ADAMTS3: variants seen among roughly 807,000 people sequenced by gnomAD.
The protein encoded by ADAMTS3 is ADAM metallopeptidase with thrombospondin type 1 motif 3, also known as A disintegrin and metalloproteinase with thrombospondin motifs 3.
In ADAMTS3, 73 loss-of-function variants were observed where a neutral mutation model predicts 129.0. That is an observed-to-expected ratio of 0.57 (90% CI 0.47 to 0.69). ADAMTS3 has a LOEUF of 0.69. Ranked by LOEUF, ADAMTS3 falls within the 30% of genes least tolerant of loss-of-function variation. ADAMTS3 has a pLI of 0.00. For synonymous variants in ADAMTS3, 477 were observed against 510.8 expected, an observed-to-expected ratio of 0.93 and a Z score of 0.89; for missense variants, 1,457 against 1,514.5, an observed-to-expected ratio of 0.96 and a Z score of 0.63.
At chr4:72,516,472 G>A (rs1017265355) in intron 3 of ADAMTS3, among the ~76,000 whole-genome samples, 11 of 152,104 alleles carry the variant, frequency 7.2e-5, no homozygotes, top group African/African-American at 2.7e-4. Flanking sequence ...CCATGAGCAT[G>A]GAATGTTCTT....
At chr4:72,532,565 A>G (rs1721072014) in intron 3 of ADAMTS3, among the ~76,000 whole-genome samples, 1 of 152,094 alleles carries the variant, frequency 6.6e-6, no homozygotes, top group Admixed American at 6.6e-5. Context: ...TAATTATAAT[A>G]CAGTCATGTG....
chr4:72,526,733 C>T (rs866360377), intron 3 of ADAMTS3, among the ~76,000 whole-genome samples: 11 of 99,068 alleles, frequency 1.1e-4, no homozygotes, highest in African/African-American at 4.4e-4. Flanking sequence ...TATATACATA[C>T]ATATATATAT....
At chr4:72,427,792 C>A (rs766017757) in intron 3 of ADAMTS3, among the ~76,000 whole-genome samples, 1 of 151,918 alleles carries the variant, frequency 6.6e-6, no homozygotes, top group South Asian at 2.1e-4. Flanking sequence ...TGCCTTTTAC[C>A]GCACAGTAAA....
At chr4:72,437,999 T>C (rs1718000216) in intron 3 of ADAMTS3, among the ~76,000 whole-genome samples, 1 of 151,722 alleles carries the variant, frequency 6.6e-6, no homozygotes, top group South Asian at 2.1e-4. Context: ...CCCATAAATG[T>C]TTTTTGTTGT....
rs187218008 is a variant in ADAMTS3 at position 72,477,104 on chromosome 4, C to T, written c.505-62133G>A. Among the ~76,000 whole-genome samples, 334 of 152,184 alleles carry T rather than the reference C, an allele frequency of 2.2e-3. 4 individuals are homozygous for T. The highest frequency in any genetic ancestry group is 3.1e-3 in the Non-Finnish European group (214 of 67,990). ...TAAGTGGTAAAAGACTCAAGACTTT[C>T]ACCCTGAAATTGGGAGCAAAGCAGA... On this transcript the variant is annotated intron_variant, in intron 3 of 21. Coordinates refer to ENST00000286657, the MANE Select transcript of ADAMTS3 (RefSeq NM_014243.3).
intron 5 of ADAMTS3, among the ~76,000 whole-genome samples, chr4:72,337,176 T>G (rs1720012663): frequency 6.6e-6 from 1 of 152,160 alleles, no homozygotes; most frequent in African/African-American, 2.4e-5. Flanking sequence ...ACTAATATAT[T>G]AAGTATTAAA....
chr4:72,339,388 T>G, intron 5 of ADAMTS3, 106 bp downstream of exon 5: 1 of 968,938 alleles, frequency 1.0e-6, no homozygotes, highest in Non-Finnish European at 1.6e-6. Context: ...CATGCACATA[T>G]TTTGGCACAG....
intron 3 of ADAMTS3, among the ~76,000 whole-genome samples, chr4:72,484,716 T>A (rs775167574): frequency 1.3e-5 from 2 of 152,096 alleles, no homozygotes; most frequent in African/African-American, 2.4e-5. Context: ...ATGGCGGAAG[T>A]GTGCAGAGTG....
intron 21 of ADAMTS3, among the ~76,000 whole-genome samples, chr4:72,287,988 C>T (rs566675177): frequency 6.6e-6 from 1 of 152,298 alleles, no homozygotes; most frequent in East Asian, 1.9e-4. Flanking sequence ...GCCTCTGCCT[C>T]CCAAGTAGCT....
At chr4:72,309,613 C>T in intron 14 of ADAMTS3, 93 bp from the exon 15 acceptor site, 3 of 1,414,946 alleles carry the variant, frequency 2.1e-6, no homozygotes, top group Non-Finnish European at 2.9e-6. Context: ...TCAGTCATGG[C>T]CCACAGTCAG....
intron 3 of ADAMTS3, among the ~76,000 whole-genome samples, chr4:72,518,739 A>G (rs377028130): frequency 6.0e-5 from 9 of 151,206 alleles, no homozygotes; most frequent in South Asian, 2.1e-4. Flanking sequence ...GTCTCTGCAC[A>G]TGAGATGGGT....
intron 3 of ADAMTS3, among the ~76,000 whole-genome samples, chr4:72,515,709 T>G (rs1189275533): frequency 6.6e-6 from 1 of 152,016 alleles, no homozygotes; most frequent in African/African-American, 2.4e-5. Context: ...TAAATTTGTT[T>G]GAGTTCATTG....
chr4:72,322,959 T>C (rs1719596629), intron 6 of ADAMTS3, 55 bp downstream of exon 6: 2 of 1,363,716 alleles, frequency 1.5e-6, no homozygotes, highest in African/African-American at 2.9e-5. Flanking sequence ...AATTTAGTCT[T>C]CTATTTGCTA....
At chr4:72,564,331 C>T (rs1721973736) in intron 2 of ADAMTS3, among the ~76,000 whole-genome samples, 1 of 152,170 alleles carries the variant, frequency 6.6e-6, no homozygotes, top group Non-Finnish European at 1.5e-5. Flanking sequence ...CCACATGTGT[C>T]ATTGAGCAAG....
intron 4 of ADAMTS3, among the ~76,000 whole-genome samples, chr4:72,393,061 G>T (rs1225404293): frequency 6.6e-6 from 1 of 151,966 alleles, no homozygotes; most frequent in African/African-American, 2.4e-5. Flanking sequence ...GAGTAGCTGG[G>T]ATTACAGGCA....
At chr4:72,322,983 T>C in intron 6 of ADAMTS3, 31 bp downstream of exon 6, 4 of 1,542,162 alleles carry the variant, frequency 2.6e-6, no homozygotes, top group Non-Finnish European at 3.6e-6. Flanking sequence ...CAGTCCCTAA[T>C]GTTTATAATT....
chr4:72,486,678 C>A (rs1196977116), intron 3 of ADAMTS3, among the ~76,000 whole-genome samples: 3 of 152,142 alleles, frequency 2.0e-5, no homozygotes, highest in African/African-American at 7.2e-5. Context: ...CCAAAACAGA[C>A]TGCATGACCA....
chr4:72,507,277 T>C (rs1720188292), intron 3 of ADAMTS3, among the ~76,000 whole-genome samples: 1 of 152,140 alleles, frequency 6.6e-6, no homozygotes, highest in African/African-American at 2.4e-5. Flanking sequence ...CCACACCTTA[T>C]GCCTCTTTCG....
In ADAMTS3 at chr4:72,304,096, T is replaced by C. The variant is rs574100298; in HGVS notation, c.2261-16A>G. ...TTCTTAATAGCTAAAGGGAGAAAAA[T>C]GAGTAACCAGCATACATTTTATTTT... On this transcript the variant is annotated splice_polypyrimidine_tract_variant and intron_variant, in intron 16 of 21. Transcript: ENST00000286657. 4.3e-6 allele frequency: 7 copies of C among 1,610,884 alleles called. No individual in the cohort carries two copies. In the Admixed American group the frequency reaches 5.0e-5, roughly 12 times the overall value.
Sources: allele counts gnomAD v4.1 joint callset (sites outside exome capture counted in the v4.1 genomes callset), GRCh38; gene constraint gnomAD v4.1.1; transcripts MANE v1.5; gene names NCBI Gene and HGNC (gene_info 2026-07-23, HGNC 2026-07-21).